RYR2: variants seen among roughly 807,000 people sequenced by gnomAD.
RYR2 encodes ryanodine receptor 2.
RYR2 carries 227 observed loss-of-function variants against 601.1 expected under a neutral mutation model. That is an observed-to-expected ratio of 0.38 (90% confidence interval 0.34 to 0.42). RYR2 has a LOEUF of 0.42. Among genes scored for constraint, RYR2 ranks in the 10% least tolerant of loss-of-function variants. The probability of loss-of-function intolerance (pLI) is 1.00; values close to 1 mark genes in which losing one functional copy is unlikely to be tolerated. For synonymous variants in RYR2, 2,223 were observed against 2,175.1 expected, an observed-to-expected ratio of 1.02 and a Z score of -0.61; for missense variants, 4,646 against 6,156.5, an observed-to-expected ratio of 0.75 and a Z score of 8.21.
intron 58 of RYR2, among the ~76,000 whole-genome samples, chr1:237,669,495 C>T (rs1285010919): frequency 5.7e-5 from 8 of 139,646 alleles, no homozygotes; most frequent in Admixed American, 2.9e-4. Context: ...GGCGGCTGGC[C>T]GGGCGGGGGG....
intron 35 of RYR2, among the ~76,000 whole-genome samples, chr1:237,604,639 T>G (rs994044268): frequency 6.6e-6 from 1 of 152,112 alleles, no homozygotes; most frequent in African/African-American, 2.4e-5. Flanking sequence ...AGGAGCTGGT[T>G]TTTTGAAAAG....
chr1:237,494,604 T>C (rs1663826354), intron 19 of RYR2, among the ~76,000 whole-genome samples: 1 of 152,072 alleles, frequency 6.6e-6, no homozygotes, highest in Non-Finnish European at 1.5e-5. Context: ...AAGTTGACAC[T>C]CAGTATGAAC....
chr1:237,124,332 A>G (rs1367147609), intron 1 of RYR2, among the ~76,000 whole-genome samples: 1 of 152,212 alleles, frequency 6.6e-6, no homozygotes, highest in Non-Finnish European at 1.5e-5. Flanking sequence ...ACAGTTGACC[A>G]TTCGGTATCT....
chr1:237,412,059 A>T (rs955716826), intron 10 of RYR2, among the ~76,000 whole-genome samples: 2 of 152,162 alleles, frequency 1.3e-5, no homozygotes, highest in South Asian at 2.1e-4. Context: ...TGCTTTTATT[A>T]ATATGCTAAT....
At chr1:237,624,927 A>G (rs1470793789) in intron 39 of RYR2, among the ~76,000 whole-genome samples, 3 of 152,076 alleles carry the variant, frequency 2.0e-5, no homozygotes, top group African/African-American at 4.8e-5. Context: ...TTTATGAATG[A>G]AGTACCACTA....
At chr1:237,115,083 G>T (rs985998460) in intron 1 of RYR2, among the ~76,000 whole-genome samples, 18 of 152,136 alleles carry the variant, frequency 1.2e-4, no homozygotes, top group African/African-American at 3.9e-4. Context: ...GCAATAGTTG[G>T]GAGGGAAGTG....
chr1:237,336,654 G>C (rs2149592913), intron 3 of RYR2, among the ~76,000 whole-genome samples: 1 of 151,790 alleles, frequency 6.6e-6, no homozygotes, highest in African/African-American at 2.4e-5. Flanking sequence ...TCAGGAGTTT[G>C]AGACCAGCCT....
At chr1:237,725,961 G>A (rs142742488) in intron 74 of RYR2, among the ~76,000 whole-genome samples, 3 of 152,112 alleles carry the variant, frequency 2.0e-5, no homozygotes, top group Admixed American at 6.6e-5. Context: ...GAAAACTATT[G>A]CCCTTGATTG....
Position 237,261,025 on chromosome 1 carries a change from A to T in RYR2, c.49-9472A>T, listed in dbSNP as rs572706158. Among the ~76,000 whole-genome samples the T allele has an allele frequency of 4.6e-5, 7 of 152,356 alleles. No individual in the cohort carries two copies. The South Asian group carries it at 1.4e-3, about 32-fold the overall frequency. On this transcript the variant is annotated intron_variant, in intron 1 of 104. Transcript: ENST00000366574. ...ATTCTGTTAACTACTTATTTGCTTT[A>T]ACAAAAACAAAAAAATAGCATAGAT... is the stretch of plus-strand genomic sequence containing the variant.
intron 1 of RYR2, among the ~76,000 whole-genome samples, chr1:237,170,551 A>G (rs1677244074): frequency 6.6e-6 from 1 of 152,244 alleles, no homozygotes. Flanking sequence ...TGTAGCTTAA[A>G]AAAAGTATGT....
At chr1:237,343,302 A>G (rs892965331) in intron 3 of RYR2, among the ~76,000 whole-genome samples, 3 of 152,244 alleles carry the variant, frequency 2.0e-5, no homozygotes, top group African/African-American at 7.2e-5. Context: ...TGAAAGTTAA[A>G]TAACACGAGA....
intron 98 of RYR2, 180 bp downstream of exon 98, chr1:237,802,096 T>C (rs1660045576): frequency 2.5e-6 from 1 of 401,658 alleles, no homozygotes; most frequent in Non-Finnish European, 4.5e-6. Context: ...TCTCATTCCA[T>C]TTCTTTCAAT....
At chr1:237,230,136 T>C (rs1684823396) in intron 1 of RYR2, among the ~76,000 whole-genome samples, 1 of 152,230 alleles carries the variant, frequency 6.6e-6, no homozygotes, top group African/African-American at 2.4e-5. Context: ...GCAACTGTCT[T>C]GTATTTATAC....
chr1:237,806,171 C>G lies in RYR2; in HGVS notation c.14186C>G (p.Ser4729Cys), dbSNP rs1660615045. ...TACCTAGCCTGGTATATGACTATGT[C>G]TGTTCTTGGACACTATAACAACTTT... Reference protein sequence around the residue: ...FLYLAWYMTMSVLGHYNNFFF... With the variant: ...FLYLAWYMTMCVLGHYNNFFF... Residue 4729 changes from serine to cysteine, a missense_variant, in exon 99 of 105, where the codon TCT becomes TGT. Around this residue, in one of 17 missense-constraint regions of RYR2, gnomAD observed 76 missense variants for 97.4 expected, o/e 0.78. Transcript: ENST00000366574. The G allele has an allele frequency of 6.2e-7, 1 of 1,613,538 alleles. No individual in the cohort carries two copies. The highest frequency in any genetic ancestry group is 1.3e-5 in the African/African-American group (1 of 74,908).
At chr1:237,673,284 A>G (rs1459425702) in intron 58 of RYR2, among the ~76,000 whole-genome samples, 1 of 152,158 alleles carries the variant, frequency 6.6e-6, no homozygotes, top group African/African-American at 2.4e-5. Flanking sequence ...CATTCTTTGT[A>G]TCAGATCTTT....
chr1:237,508,930 G>A (rs896260854), intron 23 of RYR2, among the ~76,000 whole-genome samples: 27 of 151,312 alleles, frequency 1.8e-4, no homozygotes, highest in Non-Finnish European at 2.9e-4. Flanking sequence ...TTTTAGTAGA[G>A]ACGGGGTTTC....
intron 13 of RYR2, among the ~76,000 whole-genome samples, chr1:237,442,195 ATGT>A (rs762948133): frequency 1.3e-5 from 2 of 152,234 alleles, no homozygotes; most frequent in Non-Finnish European, 2.9e-5. Flanking sequence ...TGAACACCTA[ATGT>A]TGTCGAAATT....
intron 93 of RYR2, chr1:237,791,886 A>T (rs549949637): frequency 1.7e-6 from 1 of 588,728 alleles, no homozygotes. Flanking sequence ...TGGAATCCTC[A>T]GAATTTTTGG....
At chr1:237,513,165 A>C (rs1427368811) in intron 24 of RYR2, among the ~76,000 whole-genome samples, 1 of 152,188 alleles carries the variant, frequency 6.6e-6, no homozygotes, top group Non-Finnish European at 1.5e-5. Flanking sequence ...TTTGCCCCTT[A>C]CCTTTGCAGA....
Sources: allele counts gnomAD v4.1 joint callset (sites outside exome capture counted in the v4.1 genomes callset), GRCh38; gene constraint gnomAD v4.1.1; regional missense constraint gnomAD v4.1.1; transcripts MANE v1.5; gene names NCBI Gene and HGNC (gene_info 2026-07-23, HGNC 2026-07-21).